Variants in SMOC1 observed in about 807,000 individuals in gnomAD.
The protein encoded by SMOC1 is SPARC-related modular calcium-binding protein 1.
In SMOC1, 22 loss-of-function variants were observed where a neutral mutation model predicts 56.3. The observed-to-expected ratio is 0.39, with a 90% CI of 0.28 to 0.56. SMOC1 has a LOEUF of 0.56. Among genes scored for constraint, SMOC1 ranks in the 20% least tolerant of loss-of-function variants. The pLI is 0.61. For missense variants in SMOC1, 509 were observed against 565.4 expected (o/e 0.90, Z 1.01); for synonymous variants, 193 against 215.0 (o/e 0.90, Z 0.89).
chr14:69,902,801 G>T (rs1007002500), intron 1 of SMOC1, among the ~76,000 whole-genome samples: 9 of 151,822 alleles, frequency 5.9e-5, no homozygotes, highest in South Asian at 4.2e-4. Context: ...ATTTTTTTTG[G>T]TGGAGACGGG....
Position 69,955,105 on chromosome 14 carries a change from T to A in SMOC1, c.378+1573T>A, listed in dbSNP as rs570490523. 2.4e-3 allele frequency among the ~76,000 whole-genome samples: 358 copies of A among 152,262 alleles called. 1 individual carries two copies. Among genetic ancestry groups the A allele is most frequent in the Non-Finnish European group, 3.6e-3 (244 of 68,020 alleles). On this transcript the variant is annotated intron_variant, in intron 3 of 11. Transcript: ENST00000361956. ...TAAGCCTCACCACAAGCCTGTGAGG[T>A]AGGTGTCATTATCCCCATTTATAGA...
intron 1 of SMOC1, among the ~76,000 whole-genome samples, chr14:69,923,031 G>A (rs969047405): frequency 4.0e-5 from 6 of 150,986 alleles, no homozygotes; most frequent in Admixed American, 1.3e-4. Flanking sequence ...TGCAAGCTCC[G>A]CCTCCCAGGT....
intron 1 of SMOC1, among the ~76,000 whole-genome samples, chr14:69,946,093 C>G (rs1265815568): frequency 6.6e-6 from 1 of 152,188 alleles, no homozygotes; most frequent in East Asian, 1.9e-4. Flanking sequence ...ACTTGGCAGT[C>G]AGTCAAAACT....
intron 1 of SMOC1, among the ~76,000 whole-genome samples, chr14:69,923,887 C>G (rs1270547746): frequency 6.6e-6 from 1 of 152,178 alleles, no homozygotes; most frequent in Non-Finnish European, 1.5e-5. Flanking sequence ...CTGCCTTGGC[C>G]TGAGCCACTG....
At position 69,911,429 on chromosome 14, in the gene SMOC1, T is replaced by C. The variant is rs943272033; in HGVS notation, c.99+31652T>C. ...CAGTTACATGAATTTTGACAATGCA[T>C]ACAGTTGTGTAACCACCACAATCAA... On this transcript the variant is annotated intron_variant, in intron 1 of 11. Transcript: ENST00000361956. 3.9e-5 allele frequency among the ~76,000 whole-genome samples: 6 copies of C among 152,228 alleles called. No homozygotes were observed. In the South Asian group the frequency reaches 1.2e-3, roughly 31 times the overall value.
At chr14:69,939,686 TTCTG>T (rs1255639884) in intron 1 of SMOC1, among the ~76,000 whole-genome samples, 2 of 152,238 alleles carry the variant, frequency 1.3e-5, no homozygotes, top group African/African-American at 4.8e-5. Context: ...TCCATTTCTC[TTCTG>T]TCTGTGATTA....
At chr14:69,945,913 G>A (rs549327848) in intron 1 of SMOC1, among the ~76,000 whole-genome samples, 3 of 152,164 alleles carry the variant, frequency 2.0e-5, no homozygotes, top group African/African-American at 7.2e-5. Context: ...ATACGAGTAT[G>A]CATATTACCA....
intron 3 of SMOC1, among the ~76,000 whole-genome samples, chr14:69,959,698 G>A (rs1883303809): frequency 6.6e-6 from 1 of 151,968 alleles, no homozygotes; most frequent in African/African-American, 2.4e-5. Context: ...TGGATCCCTT[G>A]CATATAGGGA....
At chr14:69,929,783 C>T (rs1177483105) in intron 1 of SMOC1, among the ~76,000 whole-genome samples, 3 of 152,182 alleles carry the variant, frequency 2.0e-5, no homozygotes, top group Non-Finnish European at 2.9e-5. Context: ...CTGCTTCTTA[C>T]TGGTAATTGG....
chr14:70,003,724 G>A (rs528213247), intron 7 of SMOC1, among the ~76,000 whole-genome samples: 5 of 152,282 alleles, frequency 3.3e-5, no homozygotes, highest in South Asian at 2.1e-4. Flanking sequence ...AGGGGCCCAC[G>A]AGGGCAGATC....
chr14:70,022,925 C>A (rs1375724111), intron 10 of SMOC1, among the ~76,000 whole-genome samples: 1 of 152,212 alleles, frequency 6.6e-6, no homozygotes, highest in Non-Finnish European at 1.5e-5. Flanking sequence ...GAGCACCCAT[C>A]ATGTACAAGA....
intron 7 of SMOC1, among the ~76,000 whole-genome samples, chr14:69,996,511 T>C (rs1884770294): frequency 6.6e-6 from 1 of 152,248 alleles, no homozygotes; most frequent in Admixed American, 6.5e-5. Context: ...TCAAAGTCAG[T>C]TGATAATCTT....
At chr14:69,995,861 G>A (rs1884744299) in intron 7 of SMOC1, among the ~76,000 whole-genome samples, 1 of 152,106 alleles carries the variant, frequency 6.6e-6, no homozygotes, top group East Asian at 1.9e-4. Flanking sequence ...GTCACCTTAA[G>A]CAAAGGCATC....
intron 1 of SMOC1, among the ~76,000 whole-genome samples, chr14:69,910,021 C>T (rs1310975420): frequency 5.3e-5 from 8 of 152,174 alleles, no homozygotes; most frequent in Admixed American, 3.9e-4. Flanking sequence ...TTCCTCCTGG[C>T]GACAGATCAT....
At chr14:69,993,328 A>C (rs776270524) in intron 6 of SMOC1, among the ~76,000 whole-genome samples, 2 of 152,040 alleles carry the variant, frequency 1.3e-5, no homozygotes, top group Non-Finnish European at 2.9e-5. Context: ...TTCAAGTTGG[A>C]GGTGCTCAGG....
At chr14:69,958,560 A>C (rs1883266848) in intron 3 of SMOC1, among the ~76,000 whole-genome samples, 1 of 152,250 alleles carries the variant, frequency 6.6e-6, no homozygotes. Flanking sequence ...GGGTCAGATA[A>C]AGGGAAAAGG....
chr14:69,986,989 G>A (rs887295812), intron 5 of SMOC1, among the ~76,000 whole-genome samples: 8 of 152,192 alleles, frequency 5.3e-5, no homozygotes, highest in Non-Finnish European at 1.0e-4. Context: ...TGTTGAGGTG[G>A]CCTAGCATTC....
chr14:69,937,728 C>T (rs11625855), intron 1 of SMOC1, among the ~76,000 whole-genome samples: 14,860 of 152,194 alleles, frequency 0.098, 781 homozygotes, highest in African/African-American at 0.12. Context: ...CCTGTGACTT[C>T]GAAAGCATTT....
chr14:70,016,199 A>T (rs774947474), intron 10 of SMOC1, among the ~76,000 whole-genome samples: 3 of 152,248 alleles, frequency 2.0e-5, no homozygotes, highest in Non-Finnish European at 4.4e-5. Flanking sequence ...AATGACAGAC[A>T]GAAGGGATTT....
Sources: gnomAD v4.1 joint callset for allele counts (sites outside exome capture counted in the v4.1 genomes callset) on GRCh38, gnomAD v4.1.1 for gene constraint, MANE v1.5 for transcripts, NCBI Gene and HGNC (gene_info 2026-07-23, HGNC 2026-07-21) for gene names.